The following CALD1 variants were observed in gnomAD, a reference collection of about 807,000 sequenced individuals.
CALD1 encodes caldesmon 1.
A neutral mutation model predicts 99.9 loss-of-function variants in CALD1; 33 were observed. That is an observed-to-expected ratio of 0.33 (90% CI 0.25 to 0.44). The LOEUF (loss-of-function observed/expected upper bound fraction) is 0.44, where lower values mean the gene tolerates loss of function less well. CALD1 is among the 20% of genes least tolerant of loss of function. The pLI is 1.00. For missense variants in CALD1, 861 were observed against 962.1 expected (o/e 0.89, Z 1.39); for synonymous variants, 310 against 325.0 (o/e 0.95, Z 0.50).
At chr7:134,811,723 A>G (rs1034348275) in intron 1 of CALD1, among the ~76,000 whole-genome samples, 1 of 152,190 alleles carries the variant, frequency 6.6e-6, no homozygotes, top group Non-Finnish European at 1.5e-5. Context: ...TCCTAAACAA[A>G]TTATTGTAGG....
At chr7:134,939,055 G>T (rs1295349632) in intron 6 of CALD1, among the ~76,000 whole-genome samples, 1 of 152,160 alleles carries the variant, frequency 6.6e-6, no homozygotes, top group Non-Finnish European at 1.5e-5. Context: ...CTCACATTTG[G>T]AGCCACAGAT....
intron 1 of CALD1, among the ~76,000 whole-genome samples, chr7:134,795,522 T>G (rs2131804605): frequency 6.6e-6 from 1 of 152,334 alleles, no homozygotes; most frequent in Middle Eastern, 3.4e-3. Flanking sequence ...GAGAACAGAC[T>G]AATACAACAG....
chr7:134,901,149 G>C (rs1052430302), intron 3 of CALD1, among the ~76,000 whole-genome samples: 3 of 151,464 alleles, frequency 2.0e-5, no homozygotes, highest in African/African-American at 7.3e-5. Flanking sequence ...TGCCAAGAGG[G>C]AGGTAGGGAG....
chr7:134,781,883 T>C (rs1175339507), intron 1 of CALD1, among the ~76,000 whole-genome samples: 1 of 152,230 alleles, frequency 6.6e-6, no homozygotes, highest in Non-Finnish European at 1.5e-5. Context: ...ATGAGATACA[T>C]GAAAGCATTT....
rs1295118089 is a variant in CALD1, at chr7:134,933,419, C to A, written c.650C>A (p.Thr217Asn). ...QVEVMVEEKTTESQEETVVMS... is the reference protein window; with the variant it reads ...QVEVMVEEKTNESQEETVVMS... ...GAGGTGATGGTGGAAGAGAAAACAA[C>A]TGAAAGCCAGGAGGAAACAGTGGTA... is the stretch of plus-strand genomic sequence containing the variant. The change falls in exon 5 of 15, where the codon ACT (threonine) becomes AAT (asparagine). Residue 217 changes from threonine (T) to asparagine (N), a missense_variant. By Grantham distance (65) the Thr-to-Asn change is moderately conservative. Transcript: ENST00000361675. 6.2e-7 allele frequency: 1 copy of A among 1,613,282 alleles called. No individual in the cohort carries two copies. The highest frequency in any genetic ancestry group is 8.5e-7 in the Non-Finnish European group (1 of 1,179,700).
chr7:134,750,878 G>T (rs1263316407), intron 1 of CALD1, among the ~76,000 whole-genome samples: 1 of 151,970 alleles, frequency 6.6e-6, no homozygotes, highest in Admixed American at 6.6e-5. Context: ...CAGTGTTTCT[G>T]TTTTTGGGTT....
rs966838111 is a variant in CALD1 at position 134,846,672 on chromosome 7, G to A, written c.-42+2701G>A. 3.9e-5 allele frequency among the ~76,000 whole-genome samples: 6 copies of A among 152,178 alleles called. No homozygotes were observed. The East Asian group carries it at 1.2e-3, about 29-fold the overall frequency. The stretch of plus-strand genomic sequence containing the variant: ...TTAGTAGAAACCCTTGAGCTTCAGG[G>A]TGATTTTCTGATTATGAGCAGAAGA... On this transcript the variant is annotated intron_variant, in intron 2 of 14. Coordinates refer to ENST00000361675, the MANE Select transcript of CALD1 (RefSeq NM_033138.4).
chr7:134,938,631 C>T (rs1806181485), intron 6 of CALD1, among the ~76,000 whole-genome samples: 2 of 151,956 alleles, frequency 1.3e-5, no homozygotes, highest in South Asian at 4.2e-4. Flanking sequence ...GTTAAATCTG[C>T]CATAACATCT....
intron 6 of CALD1, among the ~76,000 whole-genome samples, chr7:134,939,887 C>T (rs1806289400): frequency 6.6e-6 from 1 of 152,054 alleles, no homozygotes; most frequent in South Asian, 2.1e-4. Context: ...TCCCTTGAAC[C>T]CGGGAGGTGG....
At chr7:134,805,290 T>C (rs985579877) in intron 1 of CALD1, among the ~76,000 whole-genome samples, 2 of 152,222 alleles carry the variant, frequency 1.3e-5, no homozygotes, top group African/African-American at 4.8e-5. Flanking sequence ...ACCAACTCTC[T>C]GATTTTGTAT....
chr7:134,963,870 A>T (rs1188690900), intron 13 of CALD1, among the ~76,000 whole-genome samples: 1 of 152,194 alleles, frequency 6.6e-6, no homozygotes, highest in African/African-American at 2.4e-5. Context: ...CGGGAGACAC[A>T]TAATGATTTT....
intron 1 of CALD1, among the ~76,000 whole-genome samples, chr7:134,823,794 G>A (rs568177156): frequency 6.6e-6 from 1 of 152,078 alleles, no homozygotes; most frequent in Non-Finnish European, 1.5e-5. Context: ...ATCCTTTTGG[G>A]GTGTTCATGT....
At chr7:134,820,737 A>T (rs1263112857) in intron 1 of CALD1, among the ~76,000 whole-genome samples, 2 of 152,084 alleles carry the variant, frequency 1.3e-5, no homozygotes, top group East Asian at 3.9e-4. Flanking sequence ...TCTATGTGAT[A>T]CTCTGACATA....
chr7:134,822,105 T>C (rs1490299680), intron 1 of CALD1: 2 of 152,222 alleles, frequency 1.3e-5, no homozygotes, highest in Non-Finnish European at 2.9e-5. Flanking sequence ...ACAAAACAGC[T>C]GACAACTTTG....
At chr7:134,954,228 C>A (rs953669445) in intron 9 of CALD1, among the ~76,000 whole-genome samples, 1 of 152,140 alleles carries the variant, frequency 6.6e-6, no homozygotes, top group Non-Finnish European at 1.5e-5. Context: ...TTAGCAGTGA[C>A]TGATTTTCAT....
chr7:134,775,096 T>C (rs186071988), upstream of CALD1, among the ~76,000 whole-genome samples: 698 of 152,348 alleles, frequency 4.6e-3, 3 homozygotes, highest in Non-Finnish European at 7.4e-3. Flanking sequence ...TAGTTTATTA[T>C]AGTGTGTAGT....
chr7:134,857,469 TTC>T lies in CALD1; in HGVS notation c.-41-10222_-41-10221del, dbSNP rs1800366982. On this transcript the variant is annotated intron_variant, in intron 2 of 14. Transcript: ENST00000361675. The stretch of plus-strand genomic sequence containing the variant: ...ACCGCGCCCGGCCAGTTTTGTGCTA[TTC>T]TTAAGCAGGCCCCAACTGTGAGCCA... Among the ~76,000 whole-genome samples, 5 of 152,200 alleles carry T rather than the reference TTC, an allele frequency of 3.3e-5. 2 individuals are homozygous for T. The highest frequency in any genetic ancestry group is 1.2e-4 in the African/African-American group (5 of 41,510).
intron 1 of CALD1, among the ~76,000 whole-genome samples, chr7:134,766,436 G>A (rs771627276): frequency 1.8e-4 from 27 of 152,016 alleles, no homozygotes; most frequent in Non-Finnish European, 2.9e-4. Context: ...ATGAGCCACC[G>A]CACCCGGCCT....
At chr7:134,951,565 A>G (rs1446876604) in intron 9 of CALD1, among the ~76,000 whole-genome samples, 1 of 152,224 alleles carries the variant, frequency 6.6e-6, no homozygotes, top group Non-Finnish European at 1.5e-5. Context: ...TTTTAAAGCA[A>G]TTATTATGGG....
Sources: allele counts gnomAD v4.1 joint callset (sites outside exome capture counted in the v4.1 genomes callset), GRCh38; gene constraint gnomAD v4.1.1; transcripts MANE v1.5; gene names NCBI Gene and HGNC (gene_info 2026-07-23, HGNC 2026-07-21).